Variants in ELAPOR2 observed in about 807,000 individuals in gnomAD.
ELAPOR2 encodes endosome/lysosome-associated apoptosis and autophagy regulator family member 2.
ELAPOR2 carries 89 observed loss-of-function variants against 120.7 expected under a neutral mutation model. The ratio of observed to expected loss-of-function variants is 0.74; its 90% CI spans 0.62 to 0.88. ELAPOR2 has a LOEUF of 0.88. ELAPOR2 is among the 40% of genes least tolerant of loss of function. ELAPOR2 has a pLI of 0.00. For synonymous variants in ELAPOR2, 444 were observed against 444.9 expected, an observed-to-expected ratio of 1.00 and a Z score of 0.03; for missense variants, 1,134 against 1,251.6, an observed-to-expected ratio of 0.91 and a Z score of 1.42.
chr7:86,923,494 A>G (rs1037354044), intron 10 of ELAPOR2, among the ~76,000 whole-genome samples: 2 of 152,042 alleles, frequency 1.3e-5, no homozygotes, highest in Non-Finnish European at 2.9e-5. Context: ...TCATAATTTT[A>G]TTTAACCATA....
chr7:86,959,420 C>T (rs573698546), intron 2 of ELAPOR2, among the ~76,000 whole-genome samples: 2 of 152,300 alleles, frequency 1.3e-5, no homozygotes, highest in South Asian at 2.1e-4. Context: ...GAAAAAAAAG[C>T]TTTCAGTTTT....
At chr7:86,918,982 A>C (rs927463095) in intron 11 of ELAPOR2, among the ~76,000 whole-genome samples, 1 of 152,198 alleles carries the variant, frequency 6.6e-6, no homozygotes, top group African/African-American at 2.4e-5. Flanking sequence ...GCATTTGGAC[A>C]CACTATTGTT....
At chr7:86,995,899 T>C (rs1793105921) in intron 1 of ELAPOR2, among the ~76,000 whole-genome samples, 1 of 152,230 alleles carries the variant, frequency 6.6e-6, no homozygotes, top group South Asian at 2.1e-4. Context: ...TTACATGTAT[T>C]ATCAAATTTA....
At chr7:87,016,288 A>C (rs1057038992) in intron 1 of ELAPOR2, among the ~76,000 whole-genome samples, 2 of 152,150 alleles carry the variant, frequency 1.3e-5, no homozygotes, top group African/African-American at 2.4e-5. Context: ...CTAGGTTAGA[A>C]AGTTTTAGGA....
chr7:86,999,143 T>C (rs180679392), intron 1 of ELAPOR2, among the ~76,000 whole-genome samples: 51 of 151,950 alleles, frequency 3.4e-4, no homozygotes, highest in African/African-American at 1.0e-3. Flanking sequence ...CCAGTCAATA[T>C]CACCCAAATG....
intron 1 of ELAPOR2, among the ~76,000 whole-genome samples, chr7:87,029,629 A>T (rs542703095): frequency 6.6e-6 from 1 of 152,340 alleles, no homozygotes; most frequent in African/African-American, 2.4e-5. Flanking sequence ...TGGATAAGTA[A>T]TGTAAATAAT....
At chr7:86,967,762 A>T (rs895745200) in intron 1 of ELAPOR2, among the ~76,000 whole-genome samples, 8 of 152,180 alleles carry the variant, frequency 5.3e-5, no homozygotes, top group African/African-American at 1.9e-4. Context: ...AATTTTCCTA[A>T]GACTCCTTTA....
At chr7:86,947,946 C>T in intron 2 of ELAPOR2, 24 bp from the exon 3 acceptor site, 2 of 1,496,884 alleles carry the variant, frequency 1.3e-6, no homozygotes, top group Non-Finnish European at 1.8e-6. Context: ...GAATGGACAA[C>T]CCATTACTTA....
chr7:86,910,626 AT>A (rs915953091), intron 15 of ELAPOR2, among the ~76,000 whole-genome samples: 18 of 152,120 alleles, frequency 1.2e-4, no homozygotes, highest in Non-Finnish European at 2.4e-4. Flanking sequence ...TTTTTTAATA[AT>A]TTTGAAAATA....
intron 18 of ELAPOR2, among the ~76,000 whole-genome samples, chr7:86,902,037 G>A (rs1584325142): frequency 6.6e-6 from 1 of 152,312 alleles, no homozygotes; most frequent in East Asian, 1.9e-4. Context: ...GTTACAGGCT[G>A]AGATGTCCAA....
chr7:86,923,092 T>C (rs954856615), intron 10 of ELAPOR2, among the ~76,000 whole-genome samples: 1 of 151,958 alleles, frequency 6.6e-6, no homozygotes, highest in Non-Finnish European at 1.5e-5. Context: ...CTATTTCCTG[T>C]TTTTCTTTCA....
intron 1 of ELAPOR2, among the ~76,000 whole-genome samples, chr7:86,998,767 G>A (rs1793209666): frequency 6.6e-6 from 1 of 151,844 alleles, no homozygotes; most frequent in African/African-American, 2.4e-5. Context: ...GCCATATATG[G>A]CAATTCTGAT....
At chr7:87,024,006 C>G (rs973015085) in intron 1 of ELAPOR2, among the ~76,000 whole-genome samples, 1 of 151,960 alleles carries the variant, frequency 6.6e-6, no homozygotes, top group African/African-American at 2.4e-5. Flanking sequence ...TCATGTCATC[C>G]GCAAACAGGG....
chr7:86,949,699 A>G (rs1296426414), intron 2 of ELAPOR2, among the ~76,000 whole-genome samples: 1 of 152,182 alleles, frequency 6.6e-6, no homozygotes, highest in African/African-American at 2.4e-5. Context: ...ATCTCAGAGC[A>G]AGGTTGGGGC....
intron 1 of ELAPOR2, among the ~76,000 whole-genome samples, chr7:87,040,275 C>T (rs1794737141): frequency 6.6e-6 from 1 of 152,244 alleles, no homozygotes; most frequent in Non-Finnish European, 1.5e-5. Flanking sequence ...CACCACAGCT[C>T]AAGGAGGCCT....
At chr7:86,935,203 T>C (rs1790512663) in intron 8 of ELAPOR2, among the ~76,000 whole-genome samples, 1 of 152,090 alleles carries the variant, frequency 6.6e-6, no homozygotes, top group Non-Finnish European at 1.5e-5. Context: ...AAATTCCTAA[T>C]ATGGCCCTAT....
intron 1 of ELAPOR2, among the ~76,000 whole-genome samples, chr7:87,034,950 C>T (rs1011601442): frequency 6.6e-6 from 1 of 151,980 alleles, no homozygotes; most frequent in African/African-American, 2.4e-5. Flanking sequence ...GACATGGTGG[C>T]GTGTGCCTGT....
intron 2 of ELAPOR2, among the ~76,000 whole-genome samples, chr7:86,952,314 C>G (rs796930942): frequency 3.3e-5 from 5 of 152,294 alleles, no homozygotes; most frequent in African/African-American, 1.2e-4. Context: ...GATGAGGAAA[C>G]TGAGCCACAG....
At chr7:86,997,233 C>T (rs1033417978) in intron 1 of ELAPOR2, among the ~76,000 whole-genome samples, 4 of 152,118 alleles carry the variant, frequency 2.6e-5, no homozygotes, top group African/African-American at 9.7e-5. Flanking sequence ...ACCCTAAATA[C>T]ATTTAAATAA....
Sources: allele counts gnomAD v4.1 joint callset (sites outside exome capture counted in the v4.1 genomes callset), GRCh38; gene constraint gnomAD v4.1.1; transcripts MANE v1.5; gene names NCBI Gene and HGNC (gene_info 2026-07-23, HGNC 2026-07-21).